ARIH1: variants seen among roughly 807,000 people sequenced by gnomAD.
ARIH1 encodes ariadne RBR E3 ubiquitin protein ligase 1, also known as E3 ubiquitin-protein ligase ARIH1.
ARIH1 carries 8 observed loss-of-function variants against 85.0 expected under a neutral mutation model. The observed-to-expected ratio is 0.09, with a 90% CI of 0.06 to 0.17. The LOEUF is 0.17. Ranked by LOEUF, ARIH1 falls within the 10% of genes least tolerant of loss-of-function variation. The pLI, the probability that ARIH1 is intolerant of heterozygous loss-of-function variation, is 1.00. For synonymous variants in ARIH1, 238 were observed against 253.6 expected (o/e 0.94, Z 0.59); for missense variants, 311 against 718.1 (o/e 0.43, Z 6.48).
intron 2 of ARIH1, among the ~76,000 whole-genome samples, chr15:72,525,246 T>A (rs1184179696): frequency 3.3e-5 from 5 of 152,270 alleles, no homozygotes; most frequent in African/African-American, 9.6e-5. Flanking sequence ...GGGGGAAAAT[T>A]TTTTCGTTTA....
chr15:72,482,436 A>T (rs2063820095), intron 1 of ARIH1, among the ~76,000 whole-genome samples: 1 of 152,190 alleles, frequency 6.6e-6, no homozygotes, highest in East Asian at 1.9e-4. Context: ...GTTGTCAAAG[A>T]TGGCTAGGAT....
intron 3 of ARIH1, among the ~76,000 whole-genome samples, chr15:72,547,717 T>C (rs1296489861): frequency 6.6e-6 from 1 of 152,254 alleles, no homozygotes; most frequent in Non-Finnish European, 1.5e-5. Context: ...TCCTTGCCAG[T>C]TGACATTTAT....
rs552003620 is a variant in ARIH1, at chr15:72,528,971, T to C, written c.443+10837T>C. Among the ~76,000 whole-genome samples the C allele has an allele frequency of 1.6e-4, 25 of 152,056 alleles. No homozygotes were observed. The South Asian group carries it at 5.0e-3, about 30-fold the overall frequency. The stretch of plus-strand genomic sequence containing the variant: ...ATCCCAGCACTTTGGGAGGCCAAGG[T>C]GGGCGGATCATGAGGTCAGGAGATC... On this transcript the variant is annotated intron_variant, in intron 2 of 13. Coordinates refer to ENST00000379887, the MANE Select transcript of ARIH1 (RefSeq NM_005744.5).
At chr15:72,508,424 C>T (rs1294719719) in intron 1 of ARIH1, among the ~76,000 whole-genome samples, 1 of 152,150 alleles carries the variant, frequency 6.6e-6, no homozygotes, top group Non-Finnish European at 1.5e-5. Context: ...TTTGACAAGT[C>T]CTTGTAGGGA....
chr15:72,529,262 TC>T (rs1366324666), intron 2 of ARIH1, among the ~76,000 whole-genome samples: 1 of 152,038 alleles, frequency 6.6e-6, no homozygotes, highest in East Asian at 1.9e-4. Context: ...GAATTCTTGC[TC>T]CCCCTATCTC....
At chr15:72,508,874 A>C (rs1162156263) in intron 1 of ARIH1, among the ~76,000 whole-genome samples, 1 of 151,582 alleles carries the variant, frequency 6.6e-6, no homozygotes, top group African/African-American at 2.4e-5. Context: ...TTGTATTTTT[A>C]GTAGAGATGA....
At chr15:72,529,324 C>T (rs916191802) in intron 2 of ARIH1, among the ~76,000 whole-genome samples, 4 of 152,238 alleles carry the variant, frequency 2.6e-5, no homozygotes, top group African/African-American at 9.6e-5. Context: ...CTGACTGCAT[C>T]CTTGAACTCC....
chr15:72,507,576 A>G (rs1333319725), intron 1 of ARIH1, among the ~76,000 whole-genome samples: 2 of 152,096 alleles, frequency 1.3e-5, no homozygotes, highest in South Asian at 2.1e-4. Flanking sequence ...GCTCATTCCT[A>G]TAATCCCTGT....
chr15:72,542,064 G>T (rs969333633), intron 2 of ARIH1, among the ~76,000 whole-genome samples: 1 of 152,122 alleles, frequency 6.6e-6, no homozygotes, highest in Non-Finnish European at 1.5e-5. Flanking sequence ...TTCAATAAGT[G>T]ATTAGATTTT....
intron 1 of ARIH1, among the ~76,000 whole-genome samples, chr15:72,504,787 C>T (rs2063917969): frequency 6.6e-6 from 1 of 152,074 alleles, no homozygotes; most frequent in Admixed American, 6.6e-5. Flanking sequence ...GGGAACCCAC[C>T]CCTGTCTGCC....
intron 11 of ARIH1, 88 bp downstream of exon 11, chr15:72,572,253 T>C: frequency 1.0e-6 from 1 of 973,912 alleles, no homozygotes; most frequent in Non-Finnish European, 1.6e-6. Context: ...TTTTTTTTTT[T>C]TTGAGACAGT....
chr15:72,519,745 A>G (rs1253401972), intron 2 of ARIH1, among the ~76,000 whole-genome samples: 2 of 151,830 alleles, frequency 1.3e-5, no homozygotes, highest in African/African-American at 4.8e-5. Context: ...CAGCCTCCCA[A>G]AGTGCTGGGA....
chr15:72,502,839 G>T (rs777463465), intron 1 of ARIH1, among the ~76,000 whole-genome samples: 1 of 151,902 alleles, frequency 6.6e-6, no homozygotes, highest in Non-Finnish European at 1.5e-5. Context: ...GAGTGATGAA[G>T]GTATGACATT....
intron 6 of ARIH1, 48 bp from the exon 7 acceptor site, chr15:72,563,346 A>G (rs1407591753): frequency 6.5e-7 from 1 of 1,540,374 alleles, no homozygotes; most frequent in African/African-American, 1.4e-5. Context: ...GGTGTGAGCC[A>G]CTGTGCCCAG....
Position 72,490,761 on chromosome 15 carries a change from AG to A in ARIH1, c.375+15749del, listed in dbSNP as rs537354188. ...TGGTTATGTGGGCAGCCAATAGCATAGGAAACTTAAAAGGAACCTACTTAGC... is the reference window on the plus strand; with the variant it reads ...TGGTTATGTGGGCAGCCAATAGCATAGAAACTTAAAAGGAACCTACTTAGC... On this transcript the variant is annotated intron_variant, in intron 1 of 13. Transcript: ENST00000379887. Among the ~76,000 whole-genome samples, 8 of 152,230 alleles carry A rather than the reference AG, an allele frequency of 5.3e-5. No homozygotes were observed. In the South Asian group the frequency reaches 1.5e-3, roughly 28 times the overall value.
chr15:72,516,916 CAT>C (rs1469639675), intron 1 of ARIH1, among the ~76,000 whole-genome samples: 21 of 152,110 alleles, frequency 1.4e-4, no homozygotes, highest in Admixed American at 1.3e-3. Context: ...TAAGCAGACA[CAT>C]GTTTGAGTTC....
intron 1 of ARIH1, among the ~76,000 whole-genome samples, chr15:72,487,711 A>C (rs1446438967): frequency 6.6e-6 from 1 of 152,068 alleles, no homozygotes; most frequent in Non-Finnish European, 1.5e-5. Flanking sequence ...TTTACTAACT[A>C]ATCCTAGTTT....
At chr15:72,476,284 T>C (rs1361462959) in intron 1 of ARIH1, among the ~76,000 whole-genome samples, 1 of 152,232 alleles carries the variant, frequency 6.6e-6, no homozygotes, top group Non-Finnish European at 1.5e-5. Context: ...CTCTGATATC[T>C]AGTGCCATTA....
intron 3 of ARIH1, among the ~76,000 whole-genome samples, chr15:72,550,631 A>G (rs1342443723): frequency 6.6e-6 from 1 of 152,144 alleles, no homozygotes; most frequent in Non-Finnish European, 1.5e-5. Context: ...TTTACATGTC[A>G]TTCTTTCAGT....
Sources: gnomAD v4.1 joint callset for allele counts (sites outside exome capture counted in the v4.1 genomes callset) on GRCh38, gnomAD v4.1.1 for gene constraint, MANE v1.5 for transcripts, NCBI Gene and HGNC (gene_info 2026-07-23, HGNC 2026-07-21) for gene names.